Variants in NSD3 observed in about 807,000 individuals in gnomAD.
NSD3 encodes the protein nuclear receptor binding SET domain protein 3, also known as histone-lysine N-methyltransferase NSD3.
NSD3 carries 24 observed loss-of-function variants against 160.8 expected under a neutral mutation model. The observed-to-expected ratio is 0.15, with a 90% CI of 0.11 to 0.21. The LOEUF is 0.21. Among genes scored for constraint, NSD3 ranks in the 10% least tolerant of loss-of-function variants. NSD3 has a pLI of 1.00. For missense variants in NSD3, 1,157 were observed against 1,735.9 expected (o/e 0.67, Z 5.93); for synonymous variants, 520 against 600.0 (o/e 0.87, Z 1.95).
chr8:38,354,895 T>G (rs11774214), intron 1 of NSD3, among the ~76,000 whole-genome samples: 33,830 of 152,076 alleles, frequency 0.22, 4,011 homozygotes, highest in East Asian at 0.31. Flanking sequence ...CCGTAAGCAT[T>G]AAGAGGGCCA....
Position 38,304,672 on chromosome 8 carries a change from G to A in NSD3, c.2526C>T (p.Ser842=). The A allele has an allele frequency of 1.2e-6, 2 of 1,614,082 alleles. No individual in the cohort carries two copies. Among genetic ancestry groups the A allele is most frequent in the Non-Finnish European group, 1.7e-6 (2 of 1,179,996 alleles). The change falls in exon 14 of 24, where the codon TCC becomes TCT. Residue 842 remains serine, a synonymous_variant. Coordinates refer to ENST00000317025, the MANE Select transcript of NSD3 (RefSeq NM_023034.2). ...AATGATTACTACAGATGAGAATGTA[G>A]GAGGATACTAACATGCTTCCGGCCG... ...CIAAGSMLVS[S]YILICSNHSK...
chr8:38,313,228 T>C (rs1585877864), intron 12 of NSD3, among the ~76,000 whole-genome samples: 1 of 152,280 alleles, frequency 6.6e-6, no homozygotes, highest in Non-Finnish European at 1.5e-5. Context: ...TGTATGTATG[T>C]GAATGAATGT....
rs767980672 is a variant in NSD3, at chr8:38,315,522, TCTA to T, written c.2006_2008del (p.Val669del). On this transcript the variant is annotated inframe_deletion, in exon 11 of 24. Coordinates refer to ENST00000317025, the MANE Select transcript of NSD3 (RefSeq NM_023034.2). ...TGCATCTGCAGTAGCTGAAGGGCTA[TCTA>T]CTTGCTTTCCAAAGCCTACCTACAT... The T allele has an allele frequency of 1.9e-6, 3 of 1,613,656 alleles. No homozygotes were observed. In the South Asian group the frequency reaches 3.3e-5, roughly 18 times the overall value.
chr8:38,312,216 A>T (rs187545762), intron 12 of NSD3, among the ~76,000 whole-genome samples: 1 of 152,266 alleles, frequency 6.6e-6, no homozygotes, highest in Non-Finnish European at 1.5e-5. Flanking sequence ...AAATGAGGAA[A>T]TGTGAGTCCT....
Position 38,317,217 on chromosome 8 carries a change from C to T in NSD3, c.1856-1175G>A, listed in dbSNP as rs1809687948. On this transcript the variant is annotated intron_variant, in intron 9 of 23. Transcript: ENST00000317025. This position sits in a 1 kb window ranked among gnomAD's most constrained non-coding sequence, Gnocchi z 5.3. The stretch of plus-strand genomic sequence containing the variant: ...GTTAGACTGCTCAGATTACTGGAAC[C>T]TCGTTATCACATCCCATTCTACAAG... 1.9e-6 allele frequency: 2 copies of T among 1,062,382 alleles called. No homozygotes were observed. The highest frequency in any genetic ancestry group is 2.3e-6 in the Non-Finnish European group (2 of 877,362). The allele number at this position is 1,062,382 out of a possible 1,614,324, so 65.8% of individuals were successfully genotyped here.
At chr8:38,366,418 C>CTTTTTTTTTTTTTTT (rs374656504) in intron 1 of NSD3, among the ~76,000 whole-genome samples, 1 of 132,194 alleles carries the variant, frequency 7.6e-6, no homozygotes, top group Non-Finnish European at 1.6e-5. Context: ...CTACTTAATT[C>CTTTTTTTTTTTTTTT]TTTTTTTTTT....
At chr8:38,281,896 AT>A (rs1808741400) in intron 19 of NSD3, among the ~76,000 whole-genome samples, 1 of 152,176 alleles carries the variant, frequency 6.6e-6, no homozygotes, top group Admixed American at 6.5e-5. Flanking sequence ...TTATAACAGA[AT>A]TTTACTAGTT....
intron 1 of NSD3, among the ~76,000 whole-genome samples, chr8:38,365,558 T>C (rs1255927059): frequency 6.6e-6 from 1 of 152,148 alleles, no homozygotes; most frequent in Non-Finnish European, 1.5e-5. Flanking sequence ...CTGCAACCTC[T>C]GCCTCCCAGG....
intron 2 of NSD3, among the ~76,000 whole-genome samples, chr8:38,340,228 G>T (rs1034772170): frequency 2.0e-5 from 3 of 152,068 alleles, no homozygotes; most frequent in African/African-American, 7.2e-5. Context: ...TCCACTAAAA[G>T]AATATGATTA....
intron 6 of NSD3, among the ~76,000 whole-genome samples, chr8:38,327,216 A>T (rs1378910757): frequency 6.9e-6 from 1 of 145,724 alleles, no homozygotes; most frequent in African/African-American, 2.5e-5. Context: ...CGCCCTGCTA[A>T]TTTTTTTTTT....
chr8:38,366,006 G>A (rs1475716419), intron 1 of NSD3, among the ~76,000 whole-genome samples: 1 of 151,356 alleles, frequency 6.6e-6, no homozygotes, highest in East Asian at 1.9e-4. Context: ...GAACTCTCGG[G>A]AGGCTGAGGC....
intron 22 of NSD3, among the ~76,000 whole-genome samples, chr8:38,276,863 T>G (rs2130980248): frequency 6.6e-6 from 1 of 152,200 alleles, no homozygotes. Flanking sequence ...TTTTGTAATT[T>G]TTTTTGTAGA....
intron 2 of NSD3, among the ~76,000 whole-genome samples, chr8:38,346,394 T>C (rs1354321553): frequency 6.8e-6 from 1 of 147,818 alleles, no homozygotes; most frequent in East Asian, 1.9e-4. Flanking sequence ...TATAAATATA[T>C]ATTGTATATA....
At chr8:38,351,691 A>G (rs1246196867) in intron 1 of NSD3, among the ~76,000 whole-genome samples, 3 of 151,896 alleles carry the variant, frequency 2.0e-5, no homozygotes, top group Non-Finnish European at 4.4e-5. Flanking sequence ...CTATGCAGCC[A>G]TAAAAAATGA....
At chr8:38,342,500 C>T (rs1304424741) in intron 2 of NSD3, among the ~76,000 whole-genome samples, 1 of 152,008 alleles carries the variant, frequency 6.6e-6, no homozygotes, top group African/African-American at 2.4e-5. Flanking sequence ...CATAAGAACA[C>T]CTAAAAATTA....
intron 20 of NSD3, among the ~76,000 whole-genome samples, chr8:38,280,609 C>T (rs1310870377): frequency 1.3e-5 from 2 of 152,112 alleles, no homozygotes; most frequent in Non-Finnish European, 2.9e-5. Context: ...GGCTGGACAT[C>T]AGCTTCTTGT....
intron 2 of NSD3, among the ~76,000 whole-genome samples, chr8:38,341,623 G>C (rs554505138): frequency 8.5e-5 from 13 of 152,182 alleles, no homozygotes; most frequent in African/African-American, 3.1e-4. Flanking sequence ...AACATTCCAG[G>C]AGGAAGGAGT....
At chr8:38,289,090 T>C (rs959799995) in intron 18 of NSD3, among the ~76,000 whole-genome samples, 2 of 152,232 alleles carry the variant, frequency 1.3e-5, no homozygotes, top group Non-Finnish European at 2.9e-5. Context: ...GGTGGCGGGA[T>C]AACCTGGTAG....
rs1467001435 is a variant in NSD3 at position 38,272,572 on chromosome 8, T to A, written c.*3069A>T. 1 of 152,224 alleles carries A rather than the reference T, an allele frequency of 6.6e-6. No individual in the cohort carries two copies. The highest frequency in any genetic ancestry group is 1.5e-5 in the Non-Finnish European group (1 of 68,052). 9.4% of individuals were successfully genotyped at this position (152,224 alleles called of 1,614,324 possible). The stretch of plus-strand genomic sequence containing the variant: ...CCTGAGAAAGTTTCCCAGGATTTCA[T>A]CTTTAGCTCTTACTGATCCAGTTTC... On this transcript the variant is annotated 3_prime_UTR_variant, in exon 24 of 24. Coordinates refer to ENST00000317025, the MANE Select transcript of NSD3 (RefSeq NM_023034.2).
Sources: gnomAD v4.1 joint callset for allele counts (sites outside exome capture counted in the v4.1 genomes callset) on GRCh38, gnomAD v4.1.1 for gene constraint, Gnocchi (gnomAD v3.1) non-coding constraint, MANE v1.5 for transcripts, NCBI Gene and HGNC (gene_info 2026-07-23, HGNC 2026-07-21) for gene names.